Variants in WDFY4 observed in about 807,000 individuals in gnomAD.
The protein encoded by WDFY4 is WD repeat- and FYVE domain-containing protein 4.
In WDFY4, 169 loss-of-function variants were observed where a neutral mutation model predicts 351.9. The ratio of observed to expected loss-of-function variants is 0.48; its 90% CI spans 0.42 to 0.55. The LOEUF (loss-of-function observed/expected upper bound fraction) is 0.55. WDFY4 is among the 20% of genes least tolerant of loss of function. WDFY4 has a pLI of 0.00. For synonymous variants in WDFY4, 1,622 were observed against 1,574.6 expected, an observed-to-expected ratio of 1.03 and a Z score of -0.71; for missense variants, 3,803 against 3,935.6, an observed-to-expected ratio of 0.97 and a Z score of 0.90.
At chr10:48,911,841 T>G (rs902755303) in intron 47 of WDFY4, among the ~76,000 whole-genome samples, 3 of 152,218 alleles carry the variant, frequency 2.0e-5, no homozygotes, top group African/African-American at 7.2e-5. Context: ...ATTTTGAATC[T>G]AGATCTCCCA....
At chr10:48,906,039 C>G (rs967134202) in intron 47 of WDFY4, among the ~76,000 whole-genome samples, 2 of 152,180 alleles carry the variant, frequency 1.3e-5, no homozygotes, top group Non-Finnish European at 2.9e-5. Flanking sequence ...CTTGGCTGGC[C>G]ACTGACATAT....
intron 39 of WDFY4, among the ~76,000 whole-genome samples, chr10:48,845,826 AG>A (rs1234015713): frequency 3.2e-5 from 2 of 62,048 alleles, no homozygotes; most frequent in Non-Finnish European, 6.4e-5. Flanking sequence ...TTGAATATAC[AG>A]TCTCTAAAGA....
rs377725357 is a variant in WDFY4 at position 48,805,991 on chromosome 10, C to T, written c.4647-13C>T. 7.2e-5 allele frequency: 112 copies of T among 1,551,516 alleles called. No homozygotes were observed. The African/African-American group carries it at 1.3e-3, about 18-fold the overall frequency. ...CCGCCTGCGAGCCTGTCCTTCTCTC[C>T]CTGTGTATAAAGGATTGGGCTGTTT... On this transcript the variant is annotated splice_polypyrimidine_tract_variant and intron_variant, in intron 26 of 61. Transcript: ENST00000325239.
chr10:48,871,118 G>T (rs1274482255), intron 40 of WDFY4, among the ~76,000 whole-genome samples: 1 of 152,020 alleles, frequency 6.6e-6, no homozygotes, highest in Non-Finnish European at 1.5e-5. Context: ...GTATTTTTTA[G>T]AAGAGACGGG....
intron 39 of WDFY4, among the ~76,000 whole-genome samples, chr10:48,863,807 C>T (rs182753452): frequency 6.6e-6 from 1 of 152,244 alleles, no homozygotes; most frequent in Non-Finnish European, 1.5e-5. Context: ...CACAGTTTGG[C>T]ATGGCTGGGG....
chr10:48,749,893 G>A (rs1165741004), intron 12 of WDFY4, among the ~76,000 whole-genome samples: 3 of 152,172 alleles, frequency 2.0e-5, no homozygotes, highest in African/African-American at 4.8e-5. Context: ...CTCGTGGGCT[G>A]ACGTTTATTC....
chr10:48,723,879 A>T (rs1177802598), intron 5 of WDFY4, among the ~76,000 whole-genome samples: 1 of 151,930 alleles, frequency 6.6e-6, no homozygotes, highest in Non-Finnish European at 1.5e-5. Context: ...GGTCCATACA[A>T]ACTGAGGCAT....
intron 9 of WDFY4, among the ~76,000 whole-genome samples, chr10:48,732,388 C>T (rs2064493920): frequency 6.6e-6 from 1 of 152,206 alleles, no homozygotes; most frequent in African/African-American, 2.4e-5. Flanking sequence ...CACCAGGACA[C>T]AAGAATCTGG....
chr10:48,863,728 C>A (rs186489936), intron 39 of WDFY4, among the ~76,000 whole-genome samples: 7 of 151,656 alleles, frequency 4.6e-5, no homozygotes, highest in Admixed American at 1.3e-4. Context: ...TGTATTAGTC[C>A]GTTTTCATAT....
At chr10:48,755,202 C>T (rs1348447351) in intron 12 of WDFY4, among the ~76,000 whole-genome samples, 1 of 152,128 alleles carries the variant, frequency 6.6e-6, no homozygotes, top group African/African-American at 2.4e-5. Context: ...TGGCTTCTTT[C>T]GCTCAGCATA....
chr10:48,777,131 C>A, intron 16 of WDFY4, 147 bp downstream of exon 16: 1 of 1,056,044 alleles, frequency 9.5e-7, no homozygotes, highest in Non-Finnish European at 1.4e-6. Context: ...CACCCGCCTA[C>A]TCAGCGGCCT....
At chr10:48,823,305 G>A (rs45520233) in intron 35 of WDFY4, 165,279 of 1,284,278 alleles carry the variant, frequency 0.13, 12,214 homozygotes, top group African/African-American at 0.31. Context: ...GGATGTCTGT[G>A]ATTCTTGGAA....
At chr10:48,884,483 C>T (rs2070376654) in intron 43 of WDFY4, 1 of 152,182 alleles carries the variant, frequency 6.6e-6, no homozygotes, top group South Asian at 2.1e-4. Context: ...CGCATAAACA[C>T]ACACACATGC....
intron 39 of WDFY4, among the ~76,000 whole-genome samples, chr10:48,833,141 A>ATGTGTGTGTGTG (rs1227956041): frequency 1.3e-4 from 18 of 141,714 alleles, no homozygotes; most frequent in African/African-American, 4.1e-4. Flanking sequence ...GGCACCAACA[A>ATGTGTGTGTGTG]TGTGTGTGTG....
chr10:48,875,900 GC>G (rs966427078), intron 42 of WDFY4, among the ~76,000 whole-genome samples: 7 of 152,212 alleles, frequency 4.6e-5, no homozygotes, highest in Non-Finnish European at 1.0e-4. Context: ...ATACCTGTTT[GC>G]CTCTCGTCTC....
intron 27 of WDFY4, among the ~76,000 whole-genome samples, chr10:48,807,068 T>C (rs1565221080): frequency 6.6e-6 from 1 of 152,158 alleles, no homozygotes; most frequent in Non-Finnish European, 1.5e-5. Flanking sequence ...TTCAATGAGA[T>C]TAGGAGCTAA....
intron 1 of WDFY4, among the ~76,000 whole-genome samples, chr10:48,708,176 A>T (rs555596738): frequency 6.6e-6 from 1 of 152,304 alleles, no homozygotes. Flanking sequence ...TTGTAATAAG[A>T]AAATTATTCC....
chr10:48,946,991 T>TACAC (rs57927796), intron 51 of WDFY4, 22 bp downstream of exon 51: 19,229 of 1,097,576 alleles, frequency 0.018, 363 homozygotes, highest in African/African-American at 0.12. Flanking sequence ...CCACTCTCTG[T>TACAC]ACACACACAC....
intron 11 of WDFY4, among the ~76,000 whole-genome samples, chr10:48,740,718 C>A (rs1782803597): frequency 1.3e-5 from 2 of 152,176 alleles, no homozygotes. Flanking sequence ...TTTCAGGTGG[C>A]CTGGGAAGTC....
Sources: gnomAD v4.1 joint callset for allele counts (sites outside exome capture counted in the v4.1 genomes callset) on GRCh38, gnomAD v4.1.1 for gene constraint, MANE v1.5 for transcripts, NCBI Gene and HGNC (gene_info 2026-07-23, HGNC 2026-07-21) for gene names.